KCNMB2: variants seen among roughly 807,000 people sequenced by gnomAD.
The protein encoded by KCNMB2 is calcium-activated potassium channel subunit beta-2.
In KCNMB2, 9 loss-of-function variants were observed where a neutral mutation model predicts 24.5. That is an observed-to-expected ratio of 0.37 (90% CI 0.22 to 0.64). KCNMB2 has a LOEUF of 0.64. Among genes scored for constraint, KCNMB2 ranks in the 30% least tolerant of loss-of-function variants. The pLI is 0.63. For missense variants in KCNMB2, 226 were observed against 284.3 expected (o/e 0.79, Z 1.47); for synonymous variants, 109 against 104.4 (o/e 1.04, Z -0.27).
At chr3:178,714,668 T>TG (rs1348384865) in intron 1 of KCNMB2, among the ~76,000 whole-genome samples, 1 of 152,230 alleles carries the variant, frequency 6.6e-6, no homozygotes, top group African/African-American at 2.4e-5. Flanking sequence ...TTGGGTCAAA[T>TG]GAAAGCACTT....
intron 1 of KCNMB2, among the ~76,000 whole-genome samples, chr3:178,537,627 G>A (rs1715454569): frequency 6.6e-6 from 1 of 152,108 alleles, no homozygotes; most frequent in African/African-American, 2.4e-5. Flanking sequence ...GGAAATGTCA[G>A]GAAATCACAG....
At chr3:178,623,700 A>G (rs188649730) in intron 1 of KCNMB2, among the ~76,000 whole-genome samples, 2 of 152,300 alleles carry the variant, frequency 1.3e-5, no homozygotes, top group East Asian at 1.9e-4. Flanking sequence ...TTTATAATTC[A>G]TTCTAGGTTT....
intron 2 of KCNMB2, among the ~76,000 whole-genome samples, chr3:178,818,806 C>T (rs916340305): frequency 6.6e-6 from 1 of 152,160 alleles, no homozygotes; most frequent in Non-Finnish European, 1.5e-5. Context: ...AAAAGACATA[C>T]AAGATCCTTT....
chr3:178,756,975 A>C (rs1176887106), intron 1 of KCNMB2: 1 of 151,968 alleles, frequency 6.6e-6, no homozygotes, highest in African/African-American at 2.4e-5. Context: ...AAAAAGTACA[A>C]AAATGGGAAG....
chr3:178,745,747 G>A (rs1195890705), intron 1 of KCNMB2, among the ~76,000 whole-genome samples: 5 of 152,150 alleles, frequency 3.3e-5, no homozygotes, highest in Non-Finnish European at 7.4e-5. Context: ...GGGAGAAATT[G>A]GCCAAAACAA....
chr3:178,757,743 T>C (rs1197329622), intron 1 of KCNMB2, among the ~76,000 whole-genome samples: 1 of 88,830 alleles, frequency 1.1e-5, no homozygotes, highest in Non-Finnish European at 2.3e-5. Flanking sequence ...AGAGGATATA[T>C]ATATATAAGA....
At chr3:178,814,472 G>T (rs556763643) in intron 2 of KCNMB2, among the ~76,000 whole-genome samples, 1 of 152,240 alleles carries the variant, frequency 6.6e-6, no homozygotes, top group South Asian at 2.1e-4. Context: ...TTTCCTTTGG[G>T]TAGATACCCA....
At chr3:178,654,348 T>C (rs527783007) in intron 1 of KCNMB2, among the ~76,000 whole-genome samples, 2 of 152,266 alleles carry the variant, frequency 1.3e-5, no homozygotes, top group African/African-American at 4.8e-5. Flanking sequence ...AAGCATCTCA[T>C]GTCAACATAT....
intron 1 of KCNMB2, among the ~76,000 whole-genome samples, chr3:178,566,390 T>C (rs950711450): frequency 1.6e-4 from 24 of 152,268 alleles, no homozygotes; most frequent in Admixed American, 6.5e-4. Flanking sequence ...TGAGTGGCAG[T>C]ATCTGGCCGT....
At chr3:178,717,975 G>C (rs1448390534) in intron 1 of KCNMB2, among the ~76,000 whole-genome samples, 2 of 151,864 alleles carry the variant, frequency 1.3e-5, no homozygotes, top group Non-Finnish European at 2.9e-5. Flanking sequence ...TCCATTTCTA[G>C]AGACTTACTT....
At chr3:178,547,652 C>T (rs990104478) in intron 1 of KCNMB2, among the ~76,000 whole-genome samples, 1 of 152,164 alleles carries the variant, frequency 6.6e-6, no homozygotes, top group Non-Finnish European at 1.5e-5. Flanking sequence ...AGGTTCTCTC[C>T]TACTTTATAG....
chr3:178,757,844 TATATATCCAAGAGGATAC>T (rs1560005992), intron 1 of KCNMB2, among the ~76,000 whole-genome samples: 4 of 101,912 alleles, frequency 3.9e-5, no homozygotes, highest in African/African-American at 1.2e-4. Context: ...CAAGAGGATA[TATATATCCAAGAGGATAC>T]ATATATATAT....
In KCNMB2 at chr3:178,609,586, T is replaced by G. The variant is rs57013951; in HGVS notation, c.-68+72875T>G. 2.5e-3 allele frequency among the ~76,000 whole-genome samples: 377 copies of G among 152,278 alleles called. 15 individuals are homozygous for G. In the East Asian group the frequency reaches 0.045, roughly 18 times the overall value. On this transcript the variant is annotated intron_variant, in intron 1 of 4. Coordinates refer to ENST00000452583, the MANE Select transcript of KCNMB2 (RefSeq NM_181361.3). The stretch of plus-strand genomic sequence containing the variant: ...ATGTCCTGGAAATTTTCTCCAATGT[T>G]TACTTGTAGTCATTTCATAGTGTGA...
intron 1 of KCNMB2, among the ~76,000 whole-genome samples, chr3:178,720,236 T>C (rs1365646702): frequency 6.6e-6 from 1 of 151,736 alleles, no homozygotes; most frequent in Admixed American, 6.6e-5. Flanking sequence ...CAGTGTTTGG[T>C]TTTTTGTCCT....
intron 1 of KCNMB2, among the ~76,000 whole-genome samples, chr3:178,783,799 A>G (rs990616220): frequency 6.6e-6 from 1 of 152,080 alleles, no homozygotes; most frequent in Non-Finnish European, 1.5e-5. Context: ...TCTCCTGCCT[A>G]ATTGCCCTGG....
At position 178,823,177 on chromosome 3, in the gene KCNMB2, C is replaced by T. The variant is rs373846519; in HGVS notation, c.57-2411C>T. 5.0e-4 allele frequency among the ~76,000 whole-genome samples: 76 copies of T among 152,226 alleles called. 4 individuals carry two copies. In the South Asian group the frequency reaches 0.016, roughly 31 times the overall value. ...AAGTTTTAAAAGCTTTGATGTAAAT[C>T]CTAGAATTTCCAAACAAAATCTCAA... is the stretch of plus-strand genomic sequence containing the variant. On this transcript the variant is annotated intron_variant, in intron 2 of 4. Transcript: ENST00000452583.
In KCNMB2 at chr3:178,670,958, G is replaced by A. The variant is rs1301789643; in HGVS notation, c.-68+134247G>A. Among the ~76,000 whole-genome samples the A allele has an allele frequency of 3.9e-5, 6 of 152,244 alleles. No individual in the cohort carries two copies. In the East Asian group the frequency reaches 1.2e-3, roughly 29 times the overall value. On this transcript the variant is annotated intron_variant, in intron 1 of 4. Coordinates refer to ENST00000452583, the MANE Select transcript of KCNMB2 (RefSeq NM_181361.3). ...AGATTGATTCTTCCCGCTGGAAGAC[G>A]TGGGTACAGCAGAGGTTGGAGCAAG...
intron 1 of KCNMB2, among the ~76,000 whole-genome samples, chr3:178,694,630 C>T (rs1239679701): frequency 1.3e-5 from 2 of 152,160 alleles, no homozygotes; most frequent in Non-Finnish European, 2.9e-5. Flanking sequence ...GCCTACAGGC[C>T]CCATGCAATT....
chr3:178,760,092 C>CTA lies in KCNMB2; in HGVS notation c.-67-47235_-67-47234dup, dbSNP rs561146836. ...TATATATATAGCCAAGAGGATATAT[C>CTA]TATATATATATATATATCCAAGAGG... is the stretch of plus-strand genomic sequence containing the variant. On this transcript the variant is annotated intron_variant, in intron 1 of 4. Coordinates refer to ENST00000452583, the MANE Select transcript of KCNMB2 (RefSeq NM_181361.3). Among the ~76,000 whole-genome samples, 2 of 11,758 alleles carry CTA rather than the reference C, an allele frequency of 1.7e-4. 1 individual carries two copies. Among genetic ancestry groups the CTA allele is most frequent in the African/African-American group, 1.0e-3 (2 of 2,008 alleles). The allele number at this position is 11,758 out of a possible 152,430, so 7.7% of individuals were successfully genotyped here. A position where few individuals can be genotyped will look rare whatever the true frequency, so the allele number is the denominator to read the frequency against.
Sources: allele counts gnomAD v4.1 joint callset (sites outside exome capture counted in the v4.1 genomes callset), GRCh38; gene constraint gnomAD v4.1.1; transcripts MANE v1.5; gene names NCBI Gene and HGNC (gene_info 2026-07-23, HGNC 2026-07-21).